Variants in SLC24A2 observed in about 807,000 individuals in gnomAD.
The protein encoded by SLC24A2 is solute carrier family 24 member 2, also known as sodium/potassium/calcium exchanger 2.
In SLC24A2, 36 loss-of-function variants were observed where a neutral mutation model predicts 62.0. The ratio of observed to expected loss-of-function variants is 0.58; its 90% CI spans 0.44 to 0.77. The LOEUF (loss-of-function observed/expected upper bound fraction) is 0.77, where lower values mean the gene tolerates loss of function less well. Ranked by LOEUF, SLC24A2 falls within the 30% of genes least tolerant of loss-of-function variation. SLC24A2 has a pLI of 0.00. For synonymous variants in SLC24A2, 358 were observed against 294.0 expected, an observed-to-expected ratio of 1.22 and a Z score of -2.23; for missense variants, 846 against 817.9, an observed-to-expected ratio of 1.03 and a Z score of -0.42.
the SLC24A2 span, among the ~76,000 whole-genome samples, chr9:20,083,864 T>C: frequency 2.0e-5 from 3 of 152,208 alleles, no homozygotes; most frequent in Non-Finnish European, 2.9e-5. Context: ...TCTCATTACC[T>C]ACCAATTGAT....
rs540288896 is a variant in SLC24A2, at chr9:19,604,950, T to C, written c.1079-7671A>G. ...TAAAGTAGAATGTTCATACAATCCT[T>C]TAAATTCCATCTGTTGTAAGTATAA... On this transcript the variant is annotated intron_variant, in intron 4 of 10. Transcript: ENST00000341998. Among the ~76,000 whole-genome samples the C allele has an allele frequency of 2.0e-5, 3 of 152,358 alleles. No individual in the cohort carries two copies. In the South Asian group the frequency reaches 6.2e-4, roughly 32 times the overall value.
At chr9:20,288,700 G>A in the SLC24A2 span, among the ~76,000 whole-genome samples, 2 of 149,264 alleles carry the variant, frequency 1.3e-5, no homozygotes, top group Non-Finnish European at 3.0e-5. Flanking sequence ...GGAGGTTGCA[G>A]TGAGCAGAGA....
chr9:20,082,425 A>G, the SLC24A2 span, among the ~76,000 whole-genome samples: 1 of 152,154 alleles, frequency 6.6e-6, no homozygotes, highest in African/African-American at 2.4e-5. Context: ...TTCAATGTCT[A>G]TTTGCAGAGT....
chr9:20,066,791 A>G, the SLC24A2 span, among the ~76,000 whole-genome samples: 1 of 152,216 alleles, frequency 6.6e-6, no homozygotes, highest in Non-Finnish European at 1.5e-5. Flanking sequence ...CAGCAAAATG[A>G]CTTAAGCACT....
At chr9:20,262,534 G>C in the SLC24A2 span, among the ~76,000 whole-genome samples, 1 of 152,330 alleles carries the variant, frequency 6.6e-6, no homozygotes, top group African/African-American at 2.4e-5. Context: ...GCTAACCATA[G>C]CCCTGCTGCC....
intron 2 of SLC24A2, among the ~76,000 whole-genome samples, chr9:19,687,038 A>ATG (rs1819903116): frequency 6.6e-6 from 1 of 152,150 alleles, no homozygotes; most frequent in Admixed American, 6.5e-5. Context: ...ACAGAAAACC[A>ATG]AATACCACAT....
At chr9:19,970,691 C>T in the SLC24A2 span, among the ~76,000 whole-genome samples, 1 of 152,124 alleles carries the variant, frequency 6.6e-6, no homozygotes, top group Non-Finnish European at 1.5e-5. Flanking sequence ...GGAATTATGA[C>T]ATGAAATGTT....
chr9:20,279,145 G>A, the SLC24A2 span, among the ~76,000 whole-genome samples: 2 of 152,288 alleles, frequency 1.3e-5, no homozygotes, highest in Admixed American at 6.5e-5. Context: ...TCTCCAACTA[G>A]GTCCCTCCCA....
the SLC24A2 span, among the ~76,000 whole-genome samples, chr9:20,057,650 T>A: frequency 6.6e-6 from 1 of 152,236 alleles, no homozygotes; most frequent in Non-Finnish European, 1.5e-5. Context: ...TCATTCTTAA[T>A]AATGAAAATT....
At chr9:20,011,698 C>T in the SLC24A2 span, among the ~76,000 whole-genome samples, 648 of 152,180 alleles carry the variant, frequency 4.3e-3, 2 homozygotes, top group Non-Finnish European at 6.3e-3. Context: ...CATTTAGGTA[C>T]AGGAAGCTCA....
the SLC24A2 span, among the ~76,000 whole-genome samples, chr9:20,007,519 A>G: frequency 6.6e-6 from 1 of 152,146 alleles, no homozygotes; most frequent in Non-Finnish European, 1.5e-5. Context: ...GTGAATATAT[A>G]TGTATATAAA....
chr9:20,239,694 C>G, the SLC24A2 span, among the ~76,000 whole-genome samples: 1 of 152,202 alleles, frequency 6.6e-6, no homozygotes, highest in Admixed American at 6.5e-5. Context: ...GTTACTTAAT[C>G]TCTCTGAACT....
chr9:20,005,604 C>G, the SLC24A2 span, among the ~76,000 whole-genome samples: 1 of 151,626 alleles, frequency 6.6e-6, no homozygotes, highest in Admixed American at 6.6e-5. Context: ...ATTATACTGC[C>G]AAACCAAAGG....
the SLC24A2 span, among the ~76,000 whole-genome samples, chr9:19,930,712 C>A: frequency 6.6e-6 from 1 of 152,172 alleles, no homozygotes; most frequent in Non-Finnish European, 1.5e-5. Context: ...CACAGATCCC[C>A]TGCAGACCAC....
chr9:19,764,026 C>A (rs2078082958), intron 2 of SLC24A2, among the ~76,000 whole-genome samples: 1 of 152,114 alleles, frequency 6.6e-6, no homozygotes, highest in Admixed American at 6.6e-5. Flanking sequence ...CGACTTCTTC[C>A]TGGTTTAGTC....
the SLC24A2 span, among the ~76,000 whole-genome samples, chr9:20,164,822 A>G: frequency 3.9e-4 from 59 of 151,952 alleles, no homozygotes; most frequent in African/African-American, 1.3e-3. Context: ...TGATGAGTTC[A>G]TGTCCTTTTT....
the SLC24A2 span, among the ~76,000 whole-genome samples, chr9:20,127,404 T>C: frequency 7.9e-4 from 121 of 152,274 alleles, 1 homozygote; most frequent in African/African-American, 2.8e-3. Context: ...TTAGTTATTT[T>C]AACAACAATG....
the SLC24A2 span, among the ~76,000 whole-genome samples, chr9:20,083,925 G>C: frequency 6.6e-6 from 1 of 152,174 alleles, no homozygotes; most frequent in Non-Finnish European, 1.5e-5. Flanking sequence ...CTGTTACACT[G>C]TTAGCTCTGA....
the SLC24A2 span, among the ~76,000 whole-genome samples, chr9:20,265,977 T>C: frequency 6.6e-6 from 1 of 152,116 alleles, no homozygotes; most frequent in African/African-American, 2.4e-5. Context: ...ACCAGGAAAT[T>C]CCCACCTAAT....
Sources: gnomAD v4.1 joint callset for allele counts (sites outside exome capture counted in the v4.1 genomes callset) on GRCh38, gnomAD v4.1.1 for gene constraint, MANE v1.5 for transcripts, NCBI Gene and HGNC (gene_info 2026-07-23, HGNC 2026-07-21) for gene names.